Variants in ANO10 observed in about 807,000 individuals in gnomAD.
ANO10 encodes the protein anoctamin-10.
In ANO10, 77 loss-of-function variants were observed where a neutral mutation model predicts 74.7. The ratio of observed to expected loss-of-function variants is 1.03; its 90% CI spans 0.86 to 1.25. The LOEUF is 1.25. ANO10 is among the 50% of genes most tolerant of loss of function. The probability of loss-of-function intolerance (pLI) is 0.00; values close to 1 mark genes in which losing one functional copy is unlikely to be tolerated. For missense variants in ANO10, 721 were observed against 778.1 expected (o/e 0.93, Z 0.87); for synonymous variants, 279 against 284.9 (o/e 0.98, Z 0.21).
intron 4 of ANO10, among the ~76,000 whole-genome samples, chr3:43,593,886 C>T (rs988211394): frequency 2.0e-5 from 3 of 152,150 alleles, no homozygotes; most frequent in Non-Finnish European, 4.4e-5. Context: ...CAGAGACACA[C>T]ATAGGCTCAA....
upstream of ANO10, among the ~76,000 whole-genome samples, chr3:43,625,997 G>T (rs888735838): frequency 6.6e-6 from 1 of 151,188 alleles, no homozygotes; most frequent in Non-Finnish European, 1.5e-5. Context: ...GCAGTGGCAT[G>T]ATCTAGGCTC....
chr3:43,658,134 A>T (rs1002441992), intron 1 of ANO10, among the ~76,000 whole-genome samples: 5 of 152,248 alleles, frequency 3.3e-5, no homozygotes, highest in Admixed American at 3.3e-4. Flanking sequence ...AATAATTACA[A>T]CAGTACAAGT....
intron 12 of ANO10, among the ~76,000 whole-genome samples, chr3:43,411,866 A>G (rs1056351911): frequency 6.6e-6 from 1 of 152,070 alleles, no homozygotes; most frequent in Non-Finnish European, 1.5e-5. Flanking sequence ...TGAGACTGTC[A>G]CTGTGTTAGG....
intron 11 of ANO10, among the ~76,000 whole-genome samples, chr3:43,474,950 T>C (rs1248205792): frequency 6.6e-6 from 1 of 152,248 alleles, no homozygotes; most frequent in East Asian, 1.9e-4. Flanking sequence ...TATTTAAATA[T>C]ATAATCACTA....
At chr3:43,484,060 C>T (rs901638201) in intron 11 of ANO10, among the ~76,000 whole-genome samples, 5 of 152,060 alleles carry the variant, frequency 3.3e-5, no homozygotes, top group African/African-American at 9.7e-5. Context: ...CTCAGCCTCC[C>T]GAGTAGCTAG....
At chr3:43,478,418 A>T (rs777475176) in intron 11 of ANO10, among the ~76,000 whole-genome samples, 1 of 152,224 alleles carries the variant, frequency 6.6e-6, no homozygotes, top group African/African-American at 2.4e-5. Context: ...TTTATAGATT[A>T]AGAAATTAAG....
At chr3:43,632,309 A>G (rs1383981985) in intron 1 of ANO10, among the ~76,000 whole-genome samples, 2 of 152,144 alleles carry the variant, frequency 1.3e-5, no homozygotes, top group Non-Finnish European at 2.9e-5. Context: ...GGTTCAGTTA[A>G]TGGGAGCACT....
chr3:43,656,788 G>C (rs2083859764), intron 1 of ANO10, among the ~76,000 whole-genome samples: 1 of 152,222 alleles, frequency 6.6e-6, no homozygotes, highest in African/African-American at 2.4e-5. Flanking sequence ...ACACAGCCCG[G>C]GTTCCTGCTC....
chr3:43,406,009 A>C (rs1285885307), intron 12 of ANO10, among the ~76,000 whole-genome samples: 1 of 152,206 alleles, frequency 6.6e-6, no homozygotes, highest in Non-Finnish European at 1.5e-5. Flanking sequence ...TGTGAAAAGG[A>C]AGGGGAAAAA....
intron 11 of ANO10, among the ~76,000 whole-genome samples, chr3:43,458,527 A>C (rs1330536913): frequency 6.6e-6 from 1 of 152,190 alleles, no homozygotes; most frequent in Non-Finnish European, 1.5e-5. Context: ...TCTACATAGG[A>C]AATATTTCTA....
At chr3:43,384,809 TA>T (rs1559496311) in intron 12 of ANO10, among the ~76,000 whole-genome samples, 2 of 152,138 alleles carry the variant, frequency 1.3e-5, no homozygotes, top group Admixed American at 1.3e-4. Context: ...CCTGAAACCA[TA>T]AAGATTCTAG....
chr3:43,510,386 G>A (rs1435147117), intron 11 of ANO10, among the ~76,000 whole-genome samples: 1 of 148,336 alleles, frequency 6.7e-6, no homozygotes, highest in Non-Finnish European at 1.5e-5. Flanking sequence ...AGCCGAGATT[G>A]TGCCATTGCA....
chr3:43,370,177 TGGTGAGCACTGGC>T, intron 12 of ANO10, among the ~76,000 whole-genome samples: 1 of 152,242 alleles, frequency 6.6e-6, no homozygotes, highest in Non-Finnish European at 1.5e-5. Context: ...GATGGGGAAG[TGGTGAGCACTGGC>T]AGAAGTGATG....
At chr3:43,571,187 A>G (rs920782913) in intron 7 of ANO10, among the ~76,000 whole-genome samples, 24 of 151,308 alleles carry the variant, frequency 1.6e-4, no homozygotes, top group African/African-American at 5.8e-4. Flanking sequence ...AGGAAACAAC[A>G]GGTGCTAGAG....
intron 12 of ANO10, among the ~76,000 whole-genome samples, chr3:43,374,196 C>G (rs1427913271): frequency 6.6e-6 from 1 of 152,190 alleles, no homozygotes; most frequent in Admixed American, 6.5e-5. Flanking sequence ...CTTAACTCCC[C>G]ATTTCCTGCA....
At chr3:43,606,273 A>T (rs931942966) in intron 1 of ANO10, among the ~76,000 whole-genome samples, 3 of 152,240 alleles carry the variant, frequency 2.0e-5, no homozygotes, top group African/African-American at 7.2e-5. Flanking sequence ...TTCCCTAGAA[A>T]ATAATGATGA....
chr3:43,461,703 A>G (rs954714151), intron 11 of ANO10, among the ~76,000 whole-genome samples: 3 of 152,222 alleles, frequency 2.0e-5, no homozygotes, highest in African/African-American at 7.2e-5. Context: ...AGGCTTCCTC[A>G]GCCATGTGGA....
At chr3:43,588,246 G>A (rs576120595) in intron 4 of ANO10, among the ~76,000 whole-genome samples, 3 of 151,876 alleles carry the variant, frequency 2.0e-5, no homozygotes, top group Admixed American at 6.6e-5. Context: ...TAGTAATTAC[G>A]GTAATGTTAT....
Position 43,441,458 on chromosome 3 carries a change from T to C in ANO10, c.1798-8731A>G, listed in dbSNP as rs144001593. On this transcript the variant is annotated intron_variant, in intron 11 of 12. Transcript: ENST00000292246. ...AAACATGCAACCTACCAAAACTGAA[T>C]CATGAAGAAAAAAAATCTGAACAGA... 1.3e-4 allele frequency among the ~76,000 whole-genome samples: 19 copies of C among 151,594 alleles called. 1 individual carries two copies. The highest frequency in any genetic ancestry group is 4.6e-4 in the African/African-American group (19 of 41,342).
Sources: gnomAD v4.1 joint callset for allele counts (sites outside exome capture counted in the v4.1 genomes callset) on GRCh38, gnomAD v4.1.1 for gene constraint, MANE v1.5 for transcripts, NCBI Gene and HGNC (gene_info 2026-07-23, HGNC 2026-07-21) for gene names.